Variants in TRPC3 observed in about 807,000 individuals in gnomAD.
The protein encoded by TRPC3 is short transient receptor potential channel 3.
A neutral mutation model predicts 90.9 loss-of-function variants in TRPC3; 54 were observed. The ratio of observed to expected loss-of-function variants is 0.59; its 90% CI spans 0.48 to 0.75. The LOEUF is 0.75. Ranked by LOEUF, TRPC3 falls within the 30% of genes least tolerant of loss-of-function variation. TRPC3 has a pLI of 0.00. For synonymous variants in TRPC3, 424 were observed against 450.9 expected (o/e 0.94, Z 0.75); for missense variants, 918 against 1,194.5 (o/e 0.77, Z 3.41).
At chr4:121,913,007 T>C (rs1729165342) in intron 4 of TRPC3, among the ~76,000 whole-genome samples, 1 of 152,204 alleles carries the variant, frequency 6.6e-6, no homozygotes, top group Non-Finnish European at 1.5e-5. Flanking sequence ...AGTACTGAGG[T>C]TCACATTTAA....
At chr4:121,912,855 T>C (rs1729159169) in intron 4 of TRPC3, among the ~76,000 whole-genome samples, 1 of 152,240 alleles carries the variant, frequency 6.6e-6, no homozygotes, top group Admixed American at 6.5e-5. Context: ...AGTCCCACGT[T>C]CCCGTGAAAA....
chr4:121,883,331 A>C (rs1728006259), intron 10 of TRPC3, among the ~76,000 whole-genome samples: 1 of 152,184 alleles, frequency 6.6e-6, no homozygotes, highest in Admixed American at 6.5e-5. Flanking sequence ...TTAAAGAGAT[A>C]CTATAAAGAA....
chr4:121,879,615 G>A lies in TRPC3; in HGVS notation c.*121C>T, dbSNP rs200413633. ...AACCATTAAGAGCTAACTTTTAAAG[G>A]TTCACATGATAAAGGTAGTTAATAC... On this transcript the variant is annotated 3_prime_UTR_variant, in exon 12 of 12. Coordinates refer to ENST00000379645, the MANE Select transcript of TRPC3 (RefSeq NM_001130698.2). 7 of 1,064,582 alleles carry A rather than the reference G, an allele frequency of 6.6e-6. No individual in the cohort carries two copies. The highest frequency in any genetic ancestry group is 1.7e-5 in the African/African-American group (1 of 59,988). 65.9% of individuals were successfully genotyped at this position (1,064,582 alleles called of 1,614,324 possible). A position where few individuals can be genotyped will look rare whatever the true frequency, so the allele number is the denominator to read the frequency against.
intron 1 of TRPC3, among the ~76,000 whole-genome samples, chr4:121,949,631 GA>G (rs1452843973): frequency 1.3e-5 from 2 of 152,160 alleles, no homozygotes; most frequent in East Asian, 3.8e-4. Context: ...TGACAGGCCT[GA>G]AATAAACATG....
intron 10 of TRPC3, among the ~76,000 whole-genome samples, 167 bp downstream of exon 10, chr4:121,899,445 T>A (rs1036402942): frequency 8.5e-5 from 13 of 152,066 alleles, no homozygotes; most frequent in African/African-American, 2.9e-4. Flanking sequence ...TAATTTTTTT[T>A]TAAAAAATTT....
At chr4:121,900,526 G>A (rs1353531503) in intron 9 of TRPC3, among the ~76,000 whole-genome samples, 9 of 152,176 alleles carry the variant, frequency 5.9e-5, no homozygotes, top group Admixed American at 4.6e-4. Context: ...TCTTACAATT[G>A]TGCCTGGAGA....
intron 10 of TRPC3, among the ~76,000 whole-genome samples, chr4:121,893,960 A>T (rs1222848044): frequency 6.6e-6 from 1 of 152,146 alleles, no homozygotes; most frequent in Non-Finnish European, 1.5e-5. Context: ...TAAATTAGGG[A>T]GGAAATAGGT....
At chr4:121,923,178 G>A (rs887739662) in intron 3 of TRPC3, among the ~76,000 whole-genome samples, 1 of 152,116 alleles carries the variant, frequency 6.6e-6, no homozygotes, top group Non-Finnish European at 1.5e-5. Context: ...CTGATCAGTG[G>A]AAGGGGCCAT....
intron 2 of TRPC3, among the ~76,000 whole-genome samples, chr4:121,930,377 C>CT (rs1729863155): frequency 6.6e-6 from 1 of 152,150 alleles, no homozygotes; most frequent in African/African-American, 2.4e-5. Context: ...TGTTTTCTCT[C>CT]TTTTTGCCTC....
In TRPC3 at chr4:121,951,574, C is replaced by T. The variant is rs1392792360; in HGVS notation, c.107G>A (p.Arg36His). The T allele has an allele frequency of 6.9e-7, 1 of 1,447,956 alleles. No individual in the cohort carries two copies. Among genetic ancestry groups the T allele is most frequent in the Non-Finnish European group, 9.1e-7 (1 of 1,096,338 alleles). The allele number at this position is 1,447,956 out of a possible 1,614,324, so 89.7% of individuals were successfully genotyped here. The change falls in exon 1 of 12, where the codon CGC becomes CAC. Residue 36 changes from arginine to histidine, a missense_variant. Physicochemically the swap from Arg to His is conservative, Grantham distance 29 (BLOSUM62 0). Transcript: ENST00000379645. The surrounding 1 kb of genome is among the most constrained non-coding windows in gnomAD (Gnocchi z 4.4). The part of the protein sequence containing the change: ...GEDEGAEPQR[R>H]RRGWRGVNGG... Reference sequence around the variant, plus strand: ...GTTGACGCCCCTCCAGCCCCGGCGGCGGCGCTGCGGCTCCGCGCCCTCGTC... The same window carrying T: ...GTTGACGCCCCTCCAGCCCCGGCGGTGGCGCTGCGGCTCCGCGCCCTCGTC...
Position 121,878,778 on chromosome 4 carries a change from T to C in TRPC3, c.*958A>G, listed in dbSNP as rs895551286. On this transcript the variant is annotated 3_prime_UTR_variant, in exon 12 of 12. Transcript: ENST00000379645. The stretch of plus-strand genomic sequence containing the variant: ...ACACACCTGGGGATGCTTGGCCATG[T>C]CTTTCCAAGTACGCCCATAGTCACT... Among the ~76,000 whole-genome samples, 2 of 152,194 alleles carry C rather than the reference T, an allele frequency of 1.3e-5. No individual in the cohort carries two copies. Among genetic ancestry groups the C allele is most frequent in the African/African-American group, 4.8e-5 (2 of 41,454 alleles).
intron 10 of TRPC3, among the ~76,000 whole-genome samples, chr4:121,897,708 T>C (rs1206200961): frequency 2.0e-5 from 3 of 151,818 alleles, no homozygotes; most frequent in African/African-American, 7.2e-5. Context: ...TTGATGGGAA[T>C]GTAAACTAGT....
intron 10 of TRPC3, among the ~76,000 whole-genome samples, chr4:121,886,580 C>A (rs893769561): frequency 6.6e-6 from 1 of 152,164 alleles, no homozygotes; most frequent in Non-Finnish European, 1.5e-5. Context: ...TGTTAGAAAA[C>A]AACTCCTTTG....
chr4:121,923,653 A>C (rs1729604184), intron 3 of TRPC3, among the ~76,000 whole-genome samples: 4 of 152,364 alleles, frequency 2.6e-5, no homozygotes, highest in South Asian at 2.1e-4. Flanking sequence ...AGTAGGTACA[A>C]CTATTGTCTT....
In TRPC3 at chr4:121,900,431, A is replaced by T. The variant is rs554997801; in HGVS notation, c.2464-736T>A. ...AAAGAGATGATTTACCTCACCACCT[A>T]ACTTCCCACCATTATAACTCAGGAA... On this transcript the variant is annotated intron_variant, in intron 9 of 11. Transcript: ENST00000379645. 2.6e-5 allele frequency among the ~76,000 whole-genome samples: 4 copies of T among 152,274 alleles called. No individual in the cohort carries two copies. In the South Asian group the frequency reaches 8.3e-4, roughly 32 times the overall value.
chr4:121,926,084 C>T (rs867106037), intron 2 of TRPC3, among the ~76,000 whole-genome samples: 5 of 152,160 alleles, frequency 3.3e-5, no homozygotes, highest in South Asian at 2.1e-4. Flanking sequence ...AAAACCCTGA[C>T]TAATAGAGTC....
In TRPC3 at chr4:121,879,891, T is replaced by C. The variant is rs1727883714; in HGVS notation, c.2624-13A>G. ...TCTTTTAATTCACCTATAGTATTGA[T>C]ATTAAAAAATTATTGGTAAGTTGCT... On this transcript the variant is annotated splice_polypyrimidine_tract_variant and intron_variant, in intron 11 of 11. Transcript: ENST00000379645. The C allele has an allele frequency of 2.0e-6, 3 of 1,520,514 alleles. No homozygotes were observed. The highest frequency in any genetic ancestry group is 1.3e-5 in the South Asian group (1 of 75,174). The allele number at this position is 1,520,514 out of a possible 1,614,324, so 94.2% of individuals were successfully genotyped here. A position where few individuals can be genotyped will look rare whatever the true frequency, so the allele number is the denominator to read the frequency against.
In TRPC3 at chr4:121,875,442, A is replaced by C. The variant is rs1350605590; in HGVS notation, c.*4294T>G. Among the ~76,000 whole-genome samples the C allele has an allele frequency of 1.3e-5, 2 of 152,238 alleles. No homozygotes were observed. The highest frequency in any genetic ancestry group is 2.1e-4 in the South Asian group (1 of 4,836). ...CCTACTAATTTTAAGTATTCCTCAAATAATTAATTAGCAGGGTAAGGAATT... is the reference window on the plus strand; with the variant it reads ...CCTACTAATTTTAAGTATTCCTCAACTAATTAATTAGCAGGGTAAGGAATT... On this transcript the variant is annotated 3_prime_UTR_variant, in exon 12 of 12. Transcript: ENST00000379645.
intron 1 of TRPC3, among the ~76,000 whole-genome samples, chr4:121,940,499 T>C (rs1266998173): frequency 1.3e-5 from 2 of 152,170 alleles, no homozygotes; most frequent in African/African-American, 2.4e-5. Flanking sequence ...TACACCTACC[T>C]CCAGGATGTT....
Sources: allele counts gnomAD v4.1 joint callset (sites outside exome capture counted in the v4.1 genomes callset), GRCh38; gene constraint gnomAD v4.1.1; non-coding constraint Gnocchi (gnomAD v3.1); transcripts MANE v1.5; gene names NCBI Gene and HGNC (gene_info 2026-07-23, HGNC 2026-07-21).